The following EXT2 variants were observed in gnomAD, a reference collection of about 807,000 sequenced individuals.
EXT2 encodes exostosin-2.
EXT2 carries 53 observed loss-of-function variants against 81.6 expected under a neutral mutation model. The ratio of observed to expected loss-of-function variants is 0.65; its 90% CI spans 0.52 to 0.82. The LOEUF is 0.82. EXT2 is among the 40% of genes least tolerant of loss of function. EXT2 has a pLI of 0.00. For missense variants in EXT2, 774 were observed against 910.2 expected, an observed-to-expected ratio of 0.85 and a Z score of 1.93; for synonymous variants, 320 against 340.0, an observed-to-expected ratio of 0.94 and a Z score of 0.65.
intron 8 of EXT2, among the ~76,000 whole-genome samples, chr11:44,190,024 C>T (rs1300991306): frequency 5.3e-5 from 8 of 152,190 alleles, no homozygotes; most frequent in African/African-American, 1.9e-4. Context: ...ACATAAATAT[C>T]ATCTCACCAT....
rs762657738 is a variant in EXT2 at position 44,108,137 on chromosome 11, A to T, written c.425A>T (p.Tyr142Phe). 3 of 1,614,128 alleles carry T rather than the reference A, an allele frequency of 1.9e-6. No individual in the cohort carries two copies. Among genetic ancestry groups the T allele is most frequent in the Non-Finnish European group, 2.5e-6 (3 of 1,180,010 alleles). ...CTCATGGCCATCTCAGACAGTGACT[A>T]CTACACTGATGACATCAACCGGGCC... The part of the protein sequence containing the change: ...ELLMAISDSD[Y>F]YTDDINRACL... The change falls in exon 2 of 14, where the codon TAC (tyrosine) becomes TTC (phenylalanine). Residue 142 changes from tyrosine to phenylalanine, a missense_variant. Transcript: ENST00000533608.
At chr11:44,096,171 C>A in intron 1 of EXT2, 3 of 1,328,058 alleles carry the variant, frequency 2.3e-6, no homozygotes, top group East Asian at 2.5e-5. Context: ...TCCTGCGACC[C>A]GCCCTCCGCC....
At chr11:44,178,391 C>T (rs1955187980) in intron 8 of EXT2, among the ~76,000 whole-genome samples, 1 of 152,172 alleles carries the variant, frequency 6.6e-6, no homozygotes, top group Non-Finnish European at 1.5e-5. Context: ...TTCCTTTCTC[C>T]TCATCCATTT....
intron 7 of EXT2, among the ~76,000 whole-genome samples, chr11:44,131,568 T>G (rs1473577757): frequency 6.6e-6 from 1 of 152,214 alleles, no homozygotes; most frequent in Non-Finnish European, 1.5e-5. Flanking sequence ...TCCTGTTCGT[T>G]TTAAGTTTCT....
At chr11:44,158,386 CTG>C (rs1319772366) in intron 7 of EXT2, among the ~76,000 whole-genome samples, 3 of 152,136 alleles carry the variant, frequency 2.0e-5, no homozygotes, top group Non-Finnish European at 2.9e-5. Context: ...CTGGAACAAA[CTG>C]TTATTTTTTC....
At chr11:44,222,269 ACCACGG>A (rs1955790068) in intron 10 of EXT2, among the ~76,000 whole-genome samples, 1 of 152,184 alleles carries the variant, frequency 6.6e-6, no homozygotes. Flanking sequence ...ACTTCTCACA[ACCACGG>A]CCACTAAATA....
chr11:44,234,303 C>T, intron 12 of EXT2, 60 bp downstream of exon 12: 1 of 1,518,504 alleles, frequency 6.6e-7, no homozygotes. Flanking sequence ...TTATCTGAGC[C>T]TAGGAAGTTC....
At position 44,097,301 on chromosome 11, in the gene EXT2, T is replaced by C. The variant is rs76164335; in HGVS notation, c.-31+1449T>C. Among the ~76,000 whole-genome samples, 1,103 of 152,366 alleles carry C rather than the reference T, an allele frequency of 7.2e-3. 9 individuals are homozygous for C. Among genetic ancestry groups the C allele is most frequent in the East Asian group, 0.032 (167 of 5,190 alleles). On this transcript the variant is annotated intron_variant, in intron 1 of 13. Transcript: ENST00000533608. ...TTCCCATGATTAAAAGGGCATTGTT[T>C]TTAATTGAAAATAATTTTTAGGGGC...
intron 4 of EXT2, among the ~76,000 whole-genome samples, chr11:44,115,587 G>A (rs769162478): frequency 1.3e-4 from 20 of 152,168 alleles, no homozygotes; most frequent in Non-Finnish European, 2.4e-4. Context: ...CAGAAGCAGA[G>A]GTGACCAATA....
intron 9 of EXT2, among the ~76,000 whole-genome samples, chr11:44,200,543 A>C (rs1955510625): frequency 6.6e-6 from 1 of 152,156 alleles, no homozygotes; most frequent in African/African-American, 2.4e-5. Context: ...CCAGCTTCAG[A>C]CTGTGGTTTG....
chr11:44,232,373 C>G lies in EXT2; in HGVS notation c.1683C>G (p.Asp561Glu), dbSNP rs1955909250. 1 of 1,613,824 alleles carries G rather than the reference C, an allele frequency of 6.2e-7. No individual in the cohort carries two copies. Among genetic ancestry groups the G allele is most frequent in the Admixed American group, 1.7e-5 (1 of 59,986 alleles). ...CTTAGGTCTGGCGGGAATTTCCTGA[C>G]CGGTTGGTGGGTTACCCGGGTCGTC... ...FGYEVWREFP[D>E]RLVGYPGRLH... The change falls in exon 11 of 14, where the codon GAC (aspartate) becomes GAG (glutamate). Residue 561 changes from aspartate to glutamate, a missense_variant. This residue lies in a region of EXT2 where 148 missense variants were observed against 239.7 expected (regional missense o/e 0.62). Coordinates refer to ENST00000533608, the MANE Select transcript of EXT2 (RefSeq NM_207122.2).
At chr11:44,219,599 C>A (rs1032244897) in intron 10 of EXT2, among the ~76,000 whole-genome samples, 1 of 152,172 alleles carries the variant, frequency 6.6e-6, no homozygotes, top group Non-Finnish European at 1.5e-5. Flanking sequence ...GCTTACCTCC[C>A]TAGATTTACA....
intron 13 of EXT2, among the ~76,000 whole-genome samples, chr11:44,237,620 T>C (rs186371833): frequency 2.6e-5 from 4 of 152,222 alleles, no homozygotes; most frequent in Admixed American, 2.6e-4. Context: ...TGGTCATTAA[T>C]AGGGCTGAGT....
intron 10 of EXT2, among the ~76,000 whole-genome samples, chr11:44,216,930 G>T: frequency 6.7e-6 from 1 of 150,160 alleles, no homozygotes; most frequent in Non-Finnish European, 1.5e-5. Flanking sequence ...TCCATCCTTT[G>T]TCAAATCATT....
chr11:44,102,034 G>A (rs1953991354), intron 1 of EXT2, among the ~76,000 whole-genome samples: 1 of 151,482 alleles, frequency 6.6e-6, no homozygotes, highest in South Asian at 2.1e-4. Context: ...CTCTCCCCTT[G>A]TGTTCAGACA....
intron 7 of EXT2, among the ~76,000 whole-genome samples, chr11:44,167,473 T>C (rs1170150977): frequency 6.6e-6 from 1 of 152,196 alleles, no homozygotes; most frequent in Non-Finnish European, 1.5e-5. Flanking sequence ...GACCACACTT[T>C]AAGCATAAGG....
At chr11:44,171,352 A>G (rs1955070349) in intron 7 of EXT2, among the ~76,000 whole-genome samples, 1 of 152,252 alleles carries the variant, frequency 6.6e-6, no homozygotes, top group South Asian at 2.1e-4. Context: ...TATTCTCATC[A>G]TCACATAATT....
At chr11:44,176,196 G>A (rs1342684658) in intron 8 of EXT2, among the ~76,000 whole-genome samples, 1 of 152,136 alleles carries the variant, frequency 6.6e-6, no homozygotes. Context: ...TCATGACCCA[G>A]ACAGAAAGTA....
chr11:44,210,322 A>T (rs1385658752), intron 10 of EXT2, among the ~76,000 whole-genome samples: 3 of 152,274 alleles, frequency 2.0e-5, no homozygotes, highest in East Asian at 3.8e-4. Flanking sequence ...AATAAGTAAG[A>T]AGTAACTATT....
Sources: allele counts gnomAD v4.1 joint callset (sites outside exome capture counted in the v4.1 genomes callset), GRCh38; gene constraint gnomAD v4.1.1; regional missense constraint gnomAD v4.1.1; transcripts MANE v1.5; gene names NCBI Gene and HGNC (gene_info 2026-07-23, HGNC 2026-07-21).